Variants in MGAT4C observed in about 807,000 individuals in gnomAD.
MGAT4C encodes MGAT4 family member C.
Under a neutral mutation model 40.1 loss-of-function variants are expected in MGAT4C, and 19 were observed. The observed-to-expected ratio is 0.47, with a 90% CI of 0.33 to 0.70. The LOEUF is 0.70. Ranked by LOEUF, MGAT4C falls within the 30% of genes least tolerant of loss-of-function variation. MGAT4C has a pLI of 0.02. For missense variants in MGAT4C, 491 were observed against 563.2 expected (o/e 0.87, Z 1.30); for synonymous variants, 181 against 187.1 (o/e 0.97, Z 0.27).
At chr12:86,392,010 T>C (rs756472134) in intron 3 of MGAT4C, among the ~76,000 whole-genome samples, 5 of 152,204 alleles carry the variant, frequency 3.3e-5, no homozygotes, top group Non-Finnish European at 5.9e-5. Context: ...ACTGATGAGA[T>C]GAGGATAATA....
intron 1 of MGAT4C, among the ~76,000 whole-genome samples, chr12:86,246,599 A>G (rs546839990): frequency 6.6e-6 from 1 of 152,310 alleles, no homozygotes; most frequent in East Asian, 1.9e-4. Context: ...TATATGTTCT[A>G]TAAACACTTT....
intron 4 of MGAT4C, among the ~76,000 whole-genome samples, 157 bp from the exon 5 acceptor site, chr12:85,980,587 G>A (rs2136684964): frequency 6.6e-6 from 1 of 152,062 alleles, no homozygotes; most frequent in South Asian, 2.1e-4. Flanking sequence ...AAAGTAATAA[G>A]CTAAATATAT....
At chr12:86,806,778 T>C (rs1201385165) in intron 1 of MGAT4C, among the ~76,000 whole-genome samples, 3 of 151,990 alleles carry the variant, frequency 2.0e-5, no homozygotes, top group Admixed American at 6.6e-5. Context: ...ACACCACATG[T>C]TCTCACTCAT....
At chr12:86,592,704 T>C (rs1299012101) in intron 2 of MGAT4C, among the ~76,000 whole-genome samples, 2 of 152,162 alleles carry the variant, frequency 1.3e-5, no homozygotes, top group Non-Finnish European at 2.9e-5. Context: ...CTCTATTCTT[T>C]AGACTGGGGT....
In MGAT4C at chr12:85,980,009, T is replaced by A. The variant is rs764040141; in HGVS notation, c.717A>T (p.Lys239Asn). 9.9e-6 allele frequency: 16 copies of A among 1,613,608 alleles called. No individual in the cohort carries two copies. The highest frequency in any genetic ancestry group is 1.7e-5 in the Admixed American group (1 of 59,912). The change falls in exon 5 of 5, where the codon AAA becomes AAT. Residue 239 changes from lysine (K) to asparagine (N), a missense_variant. By Grantham distance (94) the Lys-to-Asn change is moderately conservative (BLOSUM62 0). Transcript: ENST00000611864. ...AAGTTCCTTCTAGGGATGCAATGACTTTCTTGATGGCAGTTAAGAAATTTT... is the reference window on the plus strand; with the variant it reads ...AAGTTCCTTCTAGGGATGCAATGACATTCTTGATGGCAGTTAAGAAATTTT... ...CSKNFLTAIK[K>N]VIASLEGTYW...
chr12:86,533,998 G>A (rs904004314), intron 2 of MGAT4C, among the ~76,000 whole-genome samples: 3 of 152,050 alleles, frequency 2.0e-5, no homozygotes, highest in Admixed American at 2.0e-4. Flanking sequence ...AGGCCCTGAA[G>A]GAAGTTGAGG....
chr12:86,559,039 C>T (rs1181052577), intron 2 of MGAT4C, among the ~76,000 whole-genome samples: 1 of 151,636 alleles, frequency 6.6e-6, no homozygotes, highest in African/African-American at 2.4e-5. Context: ...AGCAGGCATA[C>T]CTATATTTGT....
At chr12:85,991,550 G>A (rs1266031421) in intron 2 of MGAT4C, among the ~76,000 whole-genome samples, 1 of 152,150 alleles carries the variant, frequency 6.6e-6, no homozygotes, top group Non-Finnish European at 1.5e-5. Flanking sequence ...GCAGGCCAGT[G>A]ACAAGACACC....
intron 2 of MGAT4C, among the ~76,000 whole-genome samples, chr12:86,593,073 C>A (rs985456632): frequency 6.7e-6 from 1 of 148,796 alleles, no homozygotes; most frequent in African/African-American, 2.5e-5. Context: ...AACATTTGTA[C>A]TTTTTTTTTT....
intron 2 of MGAT4C, among the ~76,000 whole-genome samples, chr12:86,550,444 A>G (rs1344347194): frequency 6.6e-6 from 1 of 152,166 alleles, no homozygotes; most frequent in Non-Finnish European, 1.5e-5. Context: ...TTAGAAGCAC[A>G]AGGTGGACAA....
intron 1 of MGAT4C, among the ~76,000 whole-genome samples, chr12:86,181,204 C>G (rs1367811842): frequency 1.3e-5 from 2 of 152,080 alleles, no homozygotes; most frequent in African/African-American, 4.8e-5. Context: ...ATTCTGAGGC[C>G]TCCCCAGCCA....
chr12:86,032,299 C>T (rs959365603), intron 2 of MGAT4C, among the ~76,000 whole-genome samples: 8 of 151,794 alleles, frequency 5.3e-5, no homozygotes, highest in African/African-American at 7.3e-5. Context: ...CTGGGTTGAA[C>T]GGTAGAATTA....
intron 2 of MGAT4C, chr12:86,495,239 T>A (rs1462643862): frequency 2.6e-5 from 4 of 152,012 alleles, no homozygotes; most frequent in African/African-American, 9.7e-5. Flanking sequence ...ATAGTAAAAT[T>A]ATGGAAATTA....
chr12:86,336,718 A>G (rs12319593), intron 3 of MGAT4C, among the ~76,000 whole-genome samples: 13,795 of 152,152 alleles, frequency 0.091, 1,532 homozygotes, highest in African/African-American at 0.25. Flanking sequence ...GAAAGAAGAT[A>G]AACATTACAG....
chr12:86,754,267 A>G (rs940767450), intron 1 of MGAT4C, among the ~76,000 whole-genome samples: 3 of 152,264 alleles, frequency 2.0e-5, no homozygotes, highest in African/African-American at 7.2e-5. Context: ...AATGTCATAT[A>G]AAAATTCTAC....
At chr12:86,361,188 T>G (rs1287179461) in intron 3 of MGAT4C, among the ~76,000 whole-genome samples, 1 of 152,142 alleles carries the variant, frequency 6.6e-6, no homozygotes, top group African/African-American at 2.4e-5. Flanking sequence ...ACCACACATC[T>G]ACAACCATCT....
In MGAT4C at chr12:86,265,212, A is replaced by T. The variant is rs796610767; in HGVS notation, c.-57+68853T>A. On this transcript the variant is annotated intron_variant, in intron 4 of 7. Coordinates refer to the MGAT4C transcript ENST00000548651. Reference sequence around the variant, plus strand: ...GCCTGGCTCACCCATGTCAGGTGTGACATCCAGGCCAGTAGCGCGAGCCAA... The same window carrying T: ...GCCTGGCTCACCCATGTCAGGTGTGTCATCCAGGCCAGTAGCGCGAGCCAA... 4.3e-4 allele frequency among the ~76,000 whole-genome samples: 65 copies of T among 152,078 alleles called. 1 individual carries two copies. Among genetic ancestry groups the T allele is most frequent in the African/African-American group, 1.3e-3 (55 of 41,500 alleles).
At chr12:86,425,328 C>T (rs1427318025) in intron 3 of MGAT4C, among the ~76,000 whole-genome samples, 1 of 152,132 alleles carries the variant, frequency 6.6e-6, no homozygotes, top group Non-Finnish European at 1.5e-5. Flanking sequence ...GTGTTTACCT[C>T]ATGATGTTCT....
chr12:86,814,077 A>T (rs1323484806), intron 1 of MGAT4C, among the ~76,000 whole-genome samples: 1 of 151,374 alleles, frequency 6.6e-6, no homozygotes, highest in Non-Finnish European at 1.5e-5. Flanking sequence ...CGCCTGGCAA[A>T]TTTTTTTGTA....
Sources: allele counts gnomAD v4.1 joint callset (sites outside exome capture counted in the v4.1 genomes callset), GRCh38; gene constraint gnomAD v4.1.1; transcripts MANE v1.5; gene names NCBI Gene and HGNC (gene_info 2026-07-23, HGNC 2026-07-21).